The following DPP6 variants were observed in gnomAD, a reference collection of about 807,000 sequenced individuals.
The protein encoded by DPP6 is A-type potassium channel modulatory protein DPP6.
A neutral mutation model predicts 122.6 loss-of-function variants in DPP6; 69 were observed. The ratio of observed to expected loss-of-function variants is 0.56; its 90% confidence interval spans 0.46 to 0.69. The LOEUF (loss-of-function observed/expected upper bound fraction) is 0.69. Ranked by LOEUF, DPP6 falls within the 30% of genes least tolerant of loss-of-function variation. The pLI is 0.00. For synonymous variants in DPP6, 418 were observed against 433.1 expected (o/e 0.97, Z 0.43); for missense variants, 928 against 1,116.9 (o/e 0.83, Z 2.41).
chr7:154,101,551 GT>G (rs1479933533), intron 1 of DPP6, among the ~76,000 whole-genome samples: 2 of 151,876 alleles, frequency 1.3e-5, no homozygotes, highest in East Asian at 3.9e-4. Flanking sequence ...GATCAGCAAT[GT>G]TTAATGTTGT....
chr7:154,720,862 G>A (rs1218811481), intron 7 of DPP6, among the ~76,000 whole-genome samples: 2 of 152,186 alleles, frequency 1.3e-5, no homozygotes, highest in Non-Finnish European at 2.9e-5. Flanking sequence ...CTGCCAGTGT[G>A]GGCCTGCAGT....
chr7:154,014,495 A>C (rs1311751629), intron 1 of DPP6, among the ~76,000 whole-genome samples: 3 of 151,004 alleles, frequency 2.0e-5, no homozygotes, highest in Admixed American at 6.6e-5. Context: ...GCTCTACTAA[A>C]AATACAAAAA....
chr7:154,778,706 A>G (rs113194525), intron 10 of DPP6, among the ~76,000 whole-genome samples: 7,277 of 77,086 alleles, frequency 0.094, 332 homozygotes, highest in East Asian at 0.18. Flanking sequence ...CACCATCACC[A>G]CCACCACCTC....
At chr7:154,580,358 C>T (rs2130659390) in intron 5 of DPP6, among the ~76,000 whole-genome samples, 1 of 152,280 alleles carries the variant, frequency 6.6e-6, no homozygotes, top group East Asian at 1.9e-4. Flanking sequence ...TGAGGCAGTG[C>T]ACTCGGGCAT....
At chr7:153,869,806 T>G in the DPP6 span, among the ~76,000 whole-genome samples, 7 of 152,024 alleles carry the variant, frequency 4.6e-5, no homozygotes, top group African/African-American at 1.4e-4. Flanking sequence ...TCCTTTCCAT[T>G]TTTAGTGCTT....
intron 1 of DPP6, among the ~76,000 whole-genome samples, chr7:154,178,603 C>T (rs1216442286): frequency 2.0e-5 from 3 of 151,888 alleles, no homozygotes; most frequent in African/African-American, 7.3e-5. Flanking sequence ...TTCCATTGAA[C>T]ACAGAGCCTC....
chr7:154,193,212 T>A (rs1294923226), intron 1 of DPP6, among the ~76,000 whole-genome samples: 1 of 152,254 alleles, frequency 6.6e-6, no homozygotes, highest in African/African-American at 2.4e-5. Context: ...ATTAGACTTT[T>A]AGATTTTCTT....
At chr7:154,768,337 T>A (rs1387106458) in intron 8 of DPP6, among the ~76,000 whole-genome samples, 1 of 152,264 alleles carries the variant, frequency 6.6e-6, no homozygotes, top group African/African-American at 2.4e-5. Context: ...TCTGTTGCAT[T>A]TGATGCCCTC....
chr7:154,440,452 T>A (rs1452565456), intron 1 of DPP6, among the ~76,000 whole-genome samples: 1 of 152,152 alleles, frequency 6.6e-6, no homozygotes, highest in Non-Finnish European at 1.5e-5. Flanking sequence ...GTACATGCAA[T>A]GCTTTATTGG....
chr7:154,734,591 G>A (rs1158988218), intron 8 of DPP6, among the ~76,000 whole-genome samples: 1 of 152,180 alleles, frequency 6.6e-6, no homozygotes, highest in African/African-American at 2.4e-5. Flanking sequence ...GTAGTTATTT[G>A]GACCTCTTAT....
intron 1 of DPP6, among the ~76,000 whole-genome samples, chr7:154,330,198 A>C (rs1297320083): frequency 6.6e-6 from 1 of 152,204 alleles, no homozygotes; most frequent in African/African-American, 2.4e-5. Context: ...TAAAGTAAAA[A>C]TTTTTAAACA....
chr7:154,668,307 G>C (rs1306264631), intron 6 of DPP6, among the ~76,000 whole-genome samples: 1 of 146,222 alleles, frequency 6.8e-6, no homozygotes, highest in Admixed American at 7.0e-5. Flanking sequence ...TGCAAGCTCT[G>C]CCTCCCGGGT....
intron 8 of DPP6, among the ~76,000 whole-genome samples, chr7:154,764,397 G>A (rs1795774286): frequency 6.6e-6 from 1 of 152,134 alleles, no homozygotes; most frequent in Non-Finnish European, 1.5e-5. Flanking sequence ...AGAGGCGGTG[G>A]TCATACCCTT....
chr7:153,998,782 T>A (rs1797560363), intron 1 of DPP6, among the ~76,000 whole-genome samples: 1 of 152,244 alleles, frequency 6.6e-6, no homozygotes, highest in Non-Finnish European at 1.5e-5. Context: ...CTCTGACTGT[T>A]AGCACTGTGA....
chr7:154,257,000 T>C (rs1373633996), intron 1 of DPP6, among the ~76,000 whole-genome samples: 2 of 133,888 alleles, frequency 1.5e-5, no homozygotes, highest in Admixed American at 1.5e-4. Context: ...TTCTTCTTCT[T>C]TTTTTTTTTT....
At chr7:153,880,466 ACTTC>A in the DPP6 span, among the ~76,000 whole-genome samples, 2 of 152,200 alleles carry the variant, frequency 1.3e-5, no homozygotes, top group Admixed American at 6.5e-5. Flanking sequence ...TACTTCTTAC[ACTTC>A]CTTAAGATAG....
intron 5 of DPP6, among the ~76,000 whole-genome samples, chr7:154,623,043 G>A (rs879365013): frequency 3.9e-5 from 6 of 152,180 alleles, no homozygotes; most frequent in Admixed American, 1.3e-4. Context: ...TTGTGGACCC[G>A]TCTGGATTGT....
At chr7:154,522,918 C>G (rs1827118222) in intron 3 of DPP6, among the ~76,000 whole-genome samples, 1 of 152,200 alleles carries the variant, frequency 6.6e-6, no homozygotes, top group Non-Finnish European at 1.5e-5. Context: ...TAGTTGCTCA[C>G]AGTTTAGTCT....
At chr7:154,047,845 A>G (rs1800100611), upstream of DPP6, among the ~76,000 whole-genome samples, 1 of 148,864 alleles carries the variant, frequency 6.7e-6, no homozygotes, top group Admixed American at 6.7e-5. Context: ...GTGGGAGGAG[A>G]AGAGTCGATT....
Sources: gnomAD v4.1 joint callset for allele counts (sites outside exome capture counted in the v4.1 genomes callset) on GRCh38, gnomAD v4.1.1 for gene constraint, MANE v1.5 for transcripts, NCBI Gene and HGNC (gene_info 2026-07-23, HGNC 2026-07-21) for gene names.